The following MYOF variants were observed in gnomAD, a reference collection of about 807,000 sequenced individuals.
MYOF encodes myoferlin, also known as fer-1-like 3, myoferlin.
Under a neutral mutation model 284.2 loss-of-function variants are expected in MYOF, and 244 were observed. The ratio of observed to expected loss-of-function variants is 0.86; its 90% CI spans 0.77 to 0.95. The LOEUF (loss-of-function observed/expected upper bound fraction) is 0.95. Ranked by LOEUF, MYOF falls within the 40% of genes least tolerant of loss-of-function variation. The probability of loss-of-function intolerance (pLI) is 0.00; values close to 1 mark genes in which losing one functional copy is unlikely to be tolerated. For missense variants in MYOF, 2,496 were observed against 2,560.6 expected (o/e 0.97, Z 0.54); for synonymous variants, 904 against 919.7 (o/e 0.98, Z 0.31).
chr10:93,331,667 C>T (rs112769235), intron 43 of MYOF, among the ~76,000 whole-genome samples: 24 of 104,610 alleles, frequency 2.3e-4, no homozygotes, highest in African/African-American at 6.9e-4. Context: ...TTCCCTGGCC[C>T]GGGTGCATGG....
At chr10:93,335,240 T>A (rs1366460835) in intron 41 of MYOF, among the ~76,000 whole-genome samples, 2 of 151,968 alleles carry the variant, frequency 1.3e-5, no homozygotes, top group Non-Finnish European at 2.9e-5. Flanking sequence ...TCCGACTTAT[T>A]GAGAGGACAA....
At chr10:93,311,649 G>A (rs1447284637) in intron 51 of MYOF, among the ~76,000 whole-genome samples, 1 of 151,248 alleles carries the variant, frequency 6.6e-6, no homozygotes, top group Non-Finnish European at 1.5e-5. Flanking sequence ...ACCTAAGATT[G>A]TAACAGACTT....
In MYOF at chr10:93,373,064, T is replaced by C. The variant is rs776312152; in HGVS notation, c.2323A>G (p.Ile775Val). The C allele has an allele frequency of 1.1e-5, 17 of 1,614,174 alleles. No individual in the cohort carries two copies. Among genetic ancestry groups the C allele is most frequent in the Non-Finnish European group, 1.4e-5 (16 of 1,180,008 alleles). Reference sequence around the variant, plus strand: ...TCTCCCCGGATCATCCAGATGATGATGTCAGGCATGCTGTTCTGTGGCTGG... The same window carrying C: ...TCTCCCCGGATCATCCAGATGATGACGTCAGGCATGCTGTTCTGTGGCTGG... ...TEEPQNSMPD[I>V]IIWMIRGEKR... The change falls in exon 24 of 54, where the codon ATC (isoleucine) becomes GTC (valine). Residue 775 changes from isoleucine to valine, a missense_variant. Ile to Val is a conservative substitution (Grantham distance 29). Coordinates refer to ENST00000359263, the MANE Select transcript of MYOF (RefSeq NM_013451.4).
intron 45 of MYOF, among the ~76,000 whole-genome samples, chr10:93,326,560 T>G (rs1843055329): frequency 6.6e-6 from 1 of 152,226 alleles, no homozygotes; most frequent in Non-Finnish European, 1.5e-5. Context: ...AATAAACTTT[T>G]TTTGTGTTAG....
intron 21 of MYOF, among the ~76,000 whole-genome samples, chr10:93,378,693 G>GTATATATA (rs66859494): frequency 0.1 from 9,007 of 88,020 alleles, 685 homozygotes; most frequent in Non-Finnish European, 0.12. Flanking sequence ...GTGTGTGTGT[G>GTATATATA]TATATATATA....
chr10:93,323,233 C>T (rs1184829117), intron 47 of MYOF, 37 bp downstream of exon 47: 1 of 1,613,582 alleles, frequency 6.2e-7, no homozygotes. Flanking sequence ...GTCCCCAGCC[C>T]AGTGTATGTA....
intron 26 of MYOF, among the ~76,000 whole-genome samples, chr10:93,365,785 GTCTC>G (rs1267399396): frequency 6.6e-6 from 1 of 152,278 alleles, no homozygotes; most frequent in Admixed American, 6.5e-5. Flanking sequence ...CACTAAGATA[GTCTC>G]TCTCTGCACA....
At chr10:93,431,283 CT>C in intron 4 of MYOF, 124 bp downstream of exon 4, 1 of 674,528 alleles carries the variant, frequency 1.5e-6, no homozygotes, top group Non-Finnish European at 2.5e-6. Context: ...CCCAAAAGTG[CT>C]GGCCTCCCAA....
intron 5 of MYOF, among the ~76,000 whole-genome samples, chr10:93,424,457 GT>G (rs941744923): frequency 4.0e-4 from 61 of 151,182 alleles, no homozygotes; most frequent in African/African-American, 1.4e-3. Context: ...TTTTTTGTTT[GT>G]TTTTTTTTGT....
chr10:93,341,161 G>A (rs1195962570), intron 38 of MYOF, among the ~76,000 whole-genome samples: 1 of 152,172 alleles, frequency 6.6e-6, no homozygotes, highest in East Asian at 1.9e-4. Flanking sequence ...TTTGGAGAGA[G>A]TGATTTTATT....
At chr10:93,402,113 A>C in intron 11 of MYOF, 119 bp downstream of exon 11, 1 of 729,084 alleles carries the variant, frequency 1.4e-6, no homozygotes, top group Non-Finnish European at 2.4e-6. Flanking sequence ...GAATAGGGGG[A>C]ATCTGAGGGT....
chr10:93,397,244 C>T lies in MYOF; in HGVS notation c.1334+3G>A. On this transcript the variant is annotated splice_donor_region_variant and intron_variant, in intron 15 of 53. Transcript: ENST00000359263. Reference sequence around the variant, plus strand: ...ATTAGACACATACGTATTTTCAACTCACCAGTCATATATTGTTAGTTTTAT... The same window carrying T: ...ATTAGACACATACGTATTTTCAACTTACCAGTCATATATTGTTAGTTTTAT... 1 of 1,581,098 alleles carries T rather than the reference C, an allele frequency of 6.3e-7. No homozygotes were observed. The highest frequency in any genetic ancestry group is 8.7e-7 in the Non-Finnish European group (1 of 1,154,966).
In MYOF at chr10:93,366,307, A is replaced by G. The variant is rs529969586; in HGVS notation, c.2753+85T>C. ...TGGGTGTTACATAACTATTATCAAG[A>G]TGATGACGGAGATATAATATATTTA... is the stretch of plus-strand genomic sequence containing the variant. On this transcript the variant is annotated intron_variant, in intron 26 of 53. Transcript: ENST00000359263. 1.8e-4 allele frequency: 258 copies of G among 1,397,480 alleles called. 3 individuals carry two copies. The South Asian group carries it at 2.1e-3, about 11-fold the overall frequency. 86.6% of individuals were successfully genotyped at this position (1,397,480 alleles called of 1,614,324 possible). A position where few individuals can be genotyped will look rare whatever the true frequency, so the allele number is the denominator to read the frequency against.
At chr10:93,371,550 T>TA (rs1441961065) in intron 24 of MYOF, among the ~76,000 whole-genome samples, 4 of 152,240 alleles carry the variant, frequency 2.6e-5, no homozygotes, top group African/African-American at 9.6e-5. Context: ...ATGTATTTTG[T>TA]AAAAATATGT....
At chr10:93,406,288 T>TTATATTTATATA (rs1554855593) in intron 7 of MYOF, among the ~76,000 whole-genome samples, 1 of 58,128 alleles carries the variant, frequency 1.7e-5, no homozygotes, top group Non-Finnish European at 4.3e-5. Context: ...TAAACCTCTT[T>TTATATTTATATA]TATATATATA....
chr10:93,472,078 C>T (rs762983772), intron 1 of MYOF, among the ~76,000 whole-genome samples: 1 of 152,134 alleles, frequency 6.6e-6, no homozygotes, highest in African/African-American at 2.4e-5. Flanking sequence ...TGGGCTCCTG[C>T]GAGGTGGGCT....
intron 3 of MYOF, among the ~76,000 whole-genome samples, chr10:93,451,665 G>T (rs1363668405): frequency 7.2e-6 from 1 of 139,738 alleles, no homozygotes; most frequent in African/African-American, 2.5e-5. Flanking sequence ...AATGAGACAT[G>T]TATAGGCCAC....
At position 93,351,279 on chromosome 10, in the gene MYOF, G is replaced by T; in HGVS notation, c.3839C>A (p.Pro1280His). The stretch of plus-strand genomic sequence containing the variant: ...TGGCGCCCTTTGAGGGGGAAGAATG[G>T]GAAGGTTGGAGCCATCCTGTGAAAC... The part of the protein sequence containing the change: ...ILRGKDGSNL[P>H]ILPPQRAPNL... Residue 1280 changes from proline to histidine, a missense_variant, in exon 35 of 54, where the codon CCC becomes CAC. Coordinates refer to ENST00000359263, the MANE Select transcript of MYOF (RefSeq NM_013451.4). The T allele has an allele frequency of 6.2e-7, 1 of 1,613,410 alleles. No homozygotes were observed. The highest frequency in any genetic ancestry group is 8.5e-7 in the Non-Finnish European group (1 of 1,179,844).
At chr10:93,348,250 G>C (rs1844331966) in intron 36 of MYOF, among the ~76,000 whole-genome samples, 1 of 152,140 alleles carries the variant, frequency 6.6e-6, no homozygotes, top group Non-Finnish European at 1.5e-5. Flanking sequence ...GTTCTGAGCA[G>C]ACTTTAGAAA....
Sources: allele counts gnomAD v4.1 joint callset (sites outside exome capture counted in the v4.1 genomes callset), GRCh38; gene constraint gnomAD v4.1.1; transcripts MANE v1.5; gene names NCBI Gene and HGNC (gene_info 2026-07-23, HGNC 2026-07-21).